Variants in LRP1B observed in about 807,000 individuals in gnomAD.
LRP1B encodes LDL receptor related protein 1B, also known as low-density lipoprotein receptor-related protein 1B.
A neutral mutation model predicts 556.6 loss-of-function variants in LRP1B; 217 were observed. That is an observed-to-expected ratio of 0.39 (90% CI 0.35 to 0.44). The LOEUF (loss-of-function observed/expected upper bound fraction) is 0.44, where lower values mean the gene tolerates loss of function less well. LRP1B is among the 20% of genes least tolerant of loss of function. The probability of loss-of-function intolerance (pLI) is 1.00; values close to 1 mark genes in which losing one functional copy is unlikely to be tolerated. For synonymous variants in LRP1B, 2,047 were observed against 1,865.8 expected, an observed-to-expected ratio of 1.10 and a Z score of -2.50; for missense variants, 5,053 against 5,620.8, an observed-to-expected ratio of 0.90 and a Z score of 3.23.
chr2:140,860,841 G>A (rs1397627024), intron 27 of LRP1B, among the ~76,000 whole-genome samples: 1 of 152,092 alleles, frequency 6.6e-6, no homozygotes, highest in Admixed American at 6.6e-5. Flanking sequence ...AAATGACATG[G>A]TAGATGGGTG....
chr2:142,056,749 AGC>A (rs67602239), intron 1 of LRP1B, among the ~76,000 whole-genome samples: 90,826 of 151,434 alleles, frequency 0.6, 28,534 homozygotes, highest in East Asian at 0.68. Context: ...TATTATAATC[AGC>A]TGTTGTTTAA....
chr2:140,502,001 C>A (rs1257734804), intron 54 of LRP1B, 127 bp from the exon 55 acceptor site: 2 of 655,158 alleles, frequency 3.1e-6, no homozygotes, highest in Non-Finnish European at 4.8e-6. Flanking sequence ...TATATAAAAT[C>A]TTTTACATAT....
At chr2:140,336,249 G>C (rs916895852) in intron 77 of LRP1B, among the ~76,000 whole-genome samples, 3 of 151,896 alleles carry the variant, frequency 2.0e-5, no homozygotes, top group Non-Finnish European at 4.4e-5. Context: ...TCATGACTAT[G>C]AAATGTATCC....
At chr2:141,996,713 T>TG (rs1553500256) in intron 1 of LRP1B, among the ~76,000 whole-genome samples, 1 of 145,644 alleles carries the variant, frequency 6.9e-6, no homozygotes, top group East Asian at 2.0e-4. Context: ...ATTTTTTCTT[T>TG]CCCCCCCCCT....
intron 83 of LRP1B, among the ~76,000 whole-genome samples, chr2:140,304,718 G>A (rs1683990603): frequency 2.0e-5 from 3 of 152,168 alleles, no homozygotes; most frequent in Admixed American, 1.3e-4. Context: ...TTTTAGACAT[G>A]AAGTTCTTGC....
At chr2:141,626,973 T>C (rs1688722503) in intron 2 of LRP1B, among the ~76,000 whole-genome samples, 1 of 152,224 alleles carries the variant, frequency 6.6e-6, no homozygotes, top group Admixed American at 6.5e-5. Flanking sequence ...TGAAAACTTA[T>C]GTGCACACAA....
At chr2:140,867,153 T>A (rs1692975380) in intron 27 of LRP1B, among the ~76,000 whole-genome samples, 1 of 151,990 alleles carries the variant, frequency 6.6e-6, no homozygotes, top group Admixed American at 6.6e-5. Flanking sequence ...AAAACCAAGA[T>A]GGGGTTCACT....
Position 141,670,338 on chromosome 2 carries a change from C to T in LRP1B, c.205+139941G>A, listed in dbSNP as rs150514744. ...TCTATCAATAAATGAGCAAATGATGCTTTAATATCACATATTAACTGTGTA... is the reference window on the plus strand; with the variant it reads ...TCTATCAATAAATGAGCAAATGATGTTTTAATATCACATATTAACTGTGTA... On this transcript the variant is annotated intron_variant, in intron 2 of 90. Transcript: ENST00000389484. Among the ~76,000 whole-genome samples, 735 of 152,174 alleles carry T rather than the reference C, an allele frequency of 4.8e-3. 4 individuals carry two copies. The highest frequency in any genetic ancestry group is 8.2e-3 in the Non-Finnish European group (558 of 68,000).
Position 141,313,200 on chromosome 2 carries a change from C to T in LRP1B, c.344-58559G>A, listed in dbSNP as rs902626494. Among the ~76,000 whole-genome samples the T allele has an allele frequency of 3.9e-5, 6 of 152,078 alleles. No homozygotes were observed. In the South Asian group the frequency reaches 1.2e-3, roughly 32 times the overall value. On this transcript the variant is annotated intron_variant, in intron 3 of 90. Transcript: ENST00000389484. ...TTTATGATTAACCAAGATAGAAGCA[C>T]TTCTATTATTGTAGAGCAGTAATAC...
intron 1 of LRP1B, among the ~76,000 whole-genome samples, chr2:142,092,764 C>T (rs1486461371): frequency 1.3e-5 from 2 of 151,952 alleles, no homozygotes; most frequent in South Asian, 4.2e-4. Context: ...ATGGTAAAAT[C>T]TGATTAAGTT....
chr2:141,513,790 T>A (rs935685702), intron 2 of LRP1B, among the ~76,000 whole-genome samples: 3 of 152,106 alleles, frequency 2.0e-5, no homozygotes, highest in Non-Finnish European at 4.4e-5. Context: ...CAGGGAAGGA[T>A]CTCAGTTCAC....
chr2:140,858,481 A>AAT (rs1476471869), intron 27 of LRP1B, among the ~76,000 whole-genome samples: 1 of 139,886 alleles, frequency 7.1e-6, no homozygotes, highest in Non-Finnish European at 1.5e-5. Context: ...TTTTATATAT[A>AAT]ATATATATTT....
intron 20 of LRP1B, among the ~76,000 whole-genome samples, chr2:140,930,283 C>T (rs1251857361): frequency 2.0e-5 from 3 of 151,856 alleles, no homozygotes; most frequent in Non-Finnish European, 4.4e-5. Flanking sequence ...ATTTTTGCCC[C>T]GAAGCTATTT....
At chr2:141,498,156 T>C (rs1418411446) in intron 2 of LRP1B, among the ~76,000 whole-genome samples, 1 of 151,968 alleles carries the variant, frequency 6.6e-6, no homozygotes, top group African/African-American at 2.4e-5. Context: ...ATGACCCTAA[T>C]AAAATATAGG....
chr2:141,715,194 G>A (rs552414464), intron 2 of LRP1B, among the ~76,000 whole-genome samples: 6 of 152,216 alleles, frequency 3.9e-5, no homozygotes, highest in East Asian at 3.9e-4. Flanking sequence ...TTTGCCGGGC[G>A]TGGTGACTCA....
At chr2:141,543,801 T>C (rs1340830363) in intron 2 of LRP1B, among the ~76,000 whole-genome samples, 3 of 151,392 alleles carry the variant, frequency 2.0e-5, no homozygotes, top group African/African-American at 7.3e-5. Flanking sequence ...TAATTTTGAG[T>C]GTTTATCATG....
At chr2:141,034,496 C>T (rs1024339628) in intron 11 of LRP1B, among the ~76,000 whole-genome samples, 1 of 152,006 alleles carries the variant, frequency 6.6e-6, no homozygotes. Context: ...CTACAATCAA[C>T]TCAAACAAAT....
At chr2:141,820,668 C>T (rs999105697) in intron 1 of LRP1B, among the ~76,000 whole-genome samples, 3 of 152,300 alleles carry the variant, frequency 2.0e-5, no homozygotes, top group African/African-American at 7.2e-5. Flanking sequence ...ACTCTACAGA[C>T]ATATGTGTAT....
rs187595563 is a variant in LRP1B at position 141,994,849 on chromosome 2, C to A, written c.82+135799G>T. 4.3e-3 allele frequency among the ~76,000 whole-genome samples: 660 copies of A among 152,162 alleles called. 2 individuals carry two copies. Among genetic ancestry groups the A allele is most frequent in the African/African-American group, 0.015 (632 of 41,530 alleles). On this transcript the variant is annotated intron_variant, in intron 1 of 90. Transcript: ENST00000389484. ...TGCCTAGTACTGAAAGAAGTAGCTCCCAGACATAAAGATTGAGATTATGCT... is the reference window on the plus strand; with the variant it reads ...TGCCTAGTACTGAAAGAAGTAGCTCACAGACATAAAGATTGAGATTATGCT...
Sources: gnomAD v4.1 joint callset for allele counts (sites outside exome capture counted in the v4.1 genomes callset) on GRCh38, gnomAD v4.1.1 for gene constraint, MANE v1.5 for transcripts, NCBI Gene and HGNC (gene_info 2026-07-23, HGNC 2026-07-21) for gene names.